Variants in NBEA observed in about 807,000 individuals in gnomAD.
The protein encoded by NBEA is neurobeachin.
In NBEA, 44 loss-of-function variants were observed where a neutral mutation model predicts 343.4. The observed-to-expected ratio is 0.13, with a 90% CI of 0.10 to 0.16. NBEA has a LOEUF of 0.16. Among genes scored for constraint, NBEA ranks in the 10% least tolerant of loss-of-function variants. The pLI is 1.00. For missense variants in NBEA, 2,555 were observed against 3,631.3 expected, an observed-to-expected ratio of 0.70 and a Z score of 7.62; for synonymous variants, 1,175 against 1,238.7, an observed-to-expected ratio of 0.95 and a Z score of 1.08.
At chr13:35,461,065 A>G (rs897074958) in intron 40 of NBEA, among the ~76,000 whole-genome samples, 1 of 152,188 alleles carries the variant, frequency 6.6e-6, no homozygotes, top group Non-Finnish European at 1.5e-5. Context: ...AAATGGATTA[A>G]TTCACTCACA....
At chr13:35,240,110 G>A (rs2029962499) in intron 34 of NBEA, among the ~76,000 whole-genome samples, 1 of 151,458 alleles carries the variant, frequency 6.6e-6, no homozygotes, top group Non-Finnish European at 1.5e-5. Context: ...GAAACACCTG[G>A]ATATGTTTAA....
intron 36 of NBEA, among the ~76,000 whole-genome samples, chr13:35,347,263 CAAAGTT>C (rs1374864440): frequency 3.3e-5 from 5 of 151,760 alleles, no homozygotes; most frequent in Non-Finnish European, 7.4e-5. Flanking sequence ...GAAATTAAAA[CAAAGTT>C]AAACCTATTT....
chr13:35,518,584 AT>A lies in NBEA; in HGVS notation c.6586-31891del, dbSNP rs1403411735. Among the ~76,000 whole-genome samples, 9 of 152,324 alleles carry A rather than the reference AT, an allele frequency of 5.9e-5. No individual in the cohort carries two copies. The South Asian group carries it at 1.7e-3, about 28-fold the overall frequency. On this transcript the variant is annotated intron_variant, in intron 41 of 58. Coordinates refer to ENST00000379939, the MANE Select transcript of NBEA (RefSeq NM_001385012.1). Reference sequence around the variant, plus strand: ...CCTCAAACTAGAGGAGGCAGGGAACATTAGTCATAATTATGCCAGACGATGG... The same window carrying A: ...CCTCAAACTAGAGGAGGCAGGGAACATAGTCATAATTATGCCAGACGATGG...
intron 41 of NBEA, among the ~76,000 whole-genome samples, chr13:35,487,241 T>C (rs2076336023): frequency 6.6e-6 from 1 of 151,916 alleles, no homozygotes; most frequent in African/African-American, 2.4e-5. Flanking sequence ...ATGATACATA[T>C]GATTATATTA....
rs1303204589 is a variant in NBEA, at chr13:35,171,262, T to C, written c.4243-10T>C. 1 of 1,606,084 alleles carries C rather than the reference T, an allele frequency of 6.2e-7. No homozygotes were observed. The highest frequency in any genetic ancestry group is 8.5e-7 in the Non-Finnish European group (1 of 1,175,348). The stretch of plus-strand genomic sequence containing the variant: ...TTTAAACAAGACTTAAATCTTCTAC[T>C]TTTTTAAAGACGGAATTGGAAAATA... On this transcript the variant is annotated splice_polypyrimidine_tract_variant and intron_variant, in intron 25 of 58. Transcript: ENST00000379939.
rs1301488290 is a variant in NBEA, at chr13:35,159,339, A to G, written c.3168A>G (p.Leu1056=). The change falls in exon 22 of 59, where the codon TTA becomes TTG. Residue 1056 remains leucine (L), a synonymous_variant. Coordinates refer to ENST00000379939, the MANE Select transcript of NBEA (RefSeq NM_001385012.1). ...SGVHVEVHDL[L]VDIKAEKVEA... ...TACATGTGGAAGTACATGATCTTTT[A>G]GTAGATATAAAAGCAGAGAAAGTGG... 1 of 1,613,578 alleles carries G rather than the reference A, an allele frequency of 6.2e-7. No individual in the cohort carries two copies. Among genetic ancestry groups the G allele is most frequent in the Non-Finnish European group, 8.5e-7 (1 of 1,179,686 alleles).
chr13:35,089,360 A>T (rs2064946971), intron 10 of NBEA, among the ~76,000 whole-genome samples: 3 of 151,200 alleles, frequency 2.0e-5, no homozygotes, highest in African/African-American at 7.3e-5. Flanking sequence ...CTGCAATGAG[A>T]TACCATCTCA....
At chr13:35,668,712 GA>G (rs1421650629) in intron 58 of NBEA, among the ~76,000 whole-genome samples, 193 bp downstream of exon 58, 1 of 151,838 alleles carries the variant, frequency 6.6e-6, no homozygotes, top group African/African-American at 2.4e-5. Context: ...GAATAAGAAG[GA>G]AAAAAAGAAA....
At chr13:35,456,074 G>A (rs1481484121) in intron 40 of NBEA, among the ~76,000 whole-genome samples, 3 of 151,996 alleles carry the variant, frequency 2.0e-5, no homozygotes, top group Non-Finnish European at 4.4e-5. Flanking sequence ...TAGTCTATGT[G>A]TGGTCCAAAT....
intron 35 of NBEA, among the ~76,000 whole-genome samples, chr13:35,302,640 A>G (rs1454352382): frequency 6.6e-6 from 1 of 152,190 alleles, no homozygotes; most frequent in African/African-American, 2.4e-5. Context: ...TAATAATAGA[A>G]CCTAGGGAAA....
At chr13:35,105,067 A>G (rs1172951846) in intron 11 of NBEA, among the ~76,000 whole-genome samples, 2 of 151,924 alleles carry the variant, frequency 1.3e-5, no homozygotes, top group East Asian at 3.9e-4. Flanking sequence ...TGAAGAGATG[A>G]GGGAAATAAG....
chr13:35,599,477 C>T (rs955488017), intron 47 of NBEA, among the ~76,000 whole-genome samples: 7 of 152,222 alleles, frequency 4.6e-5, no homozygotes, highest in Non-Finnish European at 4.4e-5. Context: ...TGTGCCTCAT[C>T]TGAGATGGCT....
At chr13:35,251,713 C>T (rs565957851) in intron 34 of NBEA, 16 of 325,380 alleles carry the variant, frequency 4.9e-5, no homozygotes, top group African/African-American at 2.0e-4. Flanking sequence ...CACTGGTGCC[C>T]GGGGATGACT....
In NBEA at chr13:35,385,048, T is replaced by C. The variant is rs142209581; in HGVS notation, c.6179+32725T>C. Among the ~76,000 whole-genome samples, 10 of 152,324 alleles carry C rather than the reference T, an allele frequency of 6.6e-5. No individual in the cohort carries two copies. In the East Asian group the frequency reaches 1.9e-3, roughly 29 times the overall value. On this transcript the variant is annotated intron_variant, in intron 38 of 58. Transcript: ENST00000379939. ...CTCAGATGTCCTGTGTTTTAAACAC[T>C]GCATTTATAGTATTACATTTTTTCC... is the stretch of plus-strand genomic sequence containing the variant.
chr13:35,271,231 C>T (rs2034122678), intron 34 of NBEA, among the ~76,000 whole-genome samples: 1 of 152,194 alleles, frequency 6.6e-6, no homozygotes. Context: ...AAGTGGACGT[C>T]CAGCGAATTC....
intron 39 of NBEA, among the ~76,000 whole-genome samples, chr13:35,442,472 G>A (rs9544368): frequency 0.44 from 66,767 of 151,898 alleles, 17,340 homozygotes; most frequent in Middle Eastern, 0.61. Flanking sequence ...TGCGTTTACC[G>A]TCACGTATAT....
At chr13:35,384,998 G>GA (rs1294758770) in intron 38 of NBEA, among the ~76,000 whole-genome samples, 3 of 152,012 alleles carry the variant, frequency 2.0e-5, no homozygotes, top group African/African-American at 4.8e-5. Flanking sequence ...TTTCTCTTTC[G>GA]AAAGTATACT....
intron 38 of NBEA, among the ~76,000 whole-genome samples, chr13:35,385,413 A>T (rs966059329): frequency 6.6e-6 from 1 of 152,158 alleles, no homozygotes; most frequent in Non-Finnish European, 1.5e-5. Flanking sequence ...TTAACATACT[A>T]GTTGGGCCAG....
intron 17 of NBEA, among the ~76,000 whole-genome samples, chr13:35,133,115 A>T (rs1016802664): frequency 6.2e-4 from 94 of 152,172 alleles, no homozygotes; most frequent in Admixed American, 2.6e-4. Flanking sequence ...TTTATCTAGG[A>T]TACAGTGGAT....
Sources: gnomAD v4.1 joint callset for allele counts (sites outside exome capture counted in the v4.1 genomes callset) on GRCh38, gnomAD v4.1.1 for gene constraint, MANE v1.5 for transcripts, NCBI Gene and HGNC (gene_info 2026-07-23, HGNC 2026-07-21) for gene names.